The following SLC38A6 variants were observed in gnomAD, a reference collection of about 807,000 sequenced individuals.
The protein encoded by SLC38A6 is solute carrier family 38 member 6, also known as N system amino acid transporter NAT-1.
A neutral mutation model predicts 65.0 loss-of-function variants in SLC38A6; 73 were observed. The observed-to-expected ratio is 1.12, with a 90% confidence interval of 0.93 to 1.37. The LOEUF (loss-of-function observed/expected upper bound fraction) is 1.37. Ranked by LOEUF, SLC38A6 falls within the 40% of genes most tolerant of loss-of-function variation. SLC38A6 has a pLI of 0.00. For synonymous variants in SLC38A6, 183 were observed against 178.8 expected (o/e 1.02, Z -0.19); for missense variants, 561 against 531.1 (o/e 1.06, Z -0.55).
At chr14:61,059,437 TTG>T in intron 15 of SLC38A6, among the ~76,000 whole-genome samples, 1 of 3,730 alleles carries the variant, frequency 2.7e-4, no homozygotes. Flanking sequence ...TTTAAGAATG[TTG>T]AATATTGGCC....
At chr14:61,010,958 A>G (rs943193893) in intron 3 of SLC38A6, among the ~76,000 whole-genome samples, 1 of 152,162 alleles carries the variant, frequency 6.6e-6, no homozygotes, top group South Asian at 2.1e-4. Context: ...CATTGAATCT[A>G]TAAATTACCT....
At chr14:61,039,524 A>ATTTTTTTTTTTTTTTTT (rs5809078) in intron 8 of SLC38A6, among the ~76,000 whole-genome samples, 3 of 130,622 alleles carry the variant, frequency 2.3e-5, no homozygotes, top group Non-Finnish European at 4.8e-5. Context: ...GTGCATGCTA[A>ATTTTTTTTTTTTTTTTT]TTTTTTTTTT....
At chr14:61,017,859 C>T (rs1012944256) in intron 4 of SLC38A6, among the ~76,000 whole-genome samples, 15 of 152,202 alleles carry the variant, frequency 9.9e-5, no homozygotes, top group African/African-American at 2.9e-4. Context: ...TTTCTCCACA[C>T]TTCCACAGTT....
chr14:61,071,918 C>T (rs1204157123), intron 15 of SLC38A6, among the ~76,000 whole-genome samples: 1 of 152,170 alleles, frequency 6.6e-6, no homozygotes, highest in Admixed American at 6.5e-5. Context: ...GGAGTTTTCC[C>T]ATGAGTGGCG....
chr14:61,048,301 G>T, intron 12 of SLC38A6: 1 of 356,068 alleles, frequency 2.8e-6, no homozygotes, highest in Non-Finnish European at 5.5e-6. Context: ...ATTAAAGGCA[G>T]GTTTCCTGAA....
chr14:61,020,838 C>T (rs2139586654), intron 5 of SLC38A6, among the ~76,000 whole-genome samples: 1 of 152,170 alleles, frequency 6.6e-6, no homozygotes, highest in South Asian at 2.1e-4. Flanking sequence ...TTTTTAATCC[C>T]TCTTTATCCT....
At chr14:61,071,404 G>C (rs2043219815) in intron 15 of SLC38A6, among the ~76,000 whole-genome samples, 1 of 152,096 alleles carries the variant, frequency 6.6e-6, no homozygotes, top group Non-Finnish European at 1.5e-5. Context: ...TTTATTGGCT[G>C]GGCACAGTGG....
At chr14:61,068,980 A>C (rs188087300) in intron 15 of SLC38A6, among the ~76,000 whole-genome samples, 45 of 152,226 alleles carry the variant, frequency 3.0e-4, no homozygotes, top group Non-Finnish European at 1.8e-4. Context: ...CCAGACTCCT[A>C]TCTAAATCTC....
intron 3 of SLC38A6, among the ~76,000 whole-genome samples, chr14:60,999,742 T>C (rs755481780): frequency 6.6e-6 from 1 of 152,210 alleles, no homozygotes; most frequent in Non-Finnish European, 1.5e-5. Flanking sequence ...ACATGACCTC[T>C]GAGGCAGAGA....
intron 3 of SLC38A6, among the ~76,000 whole-genome samples, chr14:61,014,423 G>A (rs144652267): frequency 6.6e-6 from 1 of 152,268 alleles, no homozygotes; most frequent in East Asian, 1.9e-4. Flanking sequence ...TCCATTGATG[G>A]TGAGGAGCTG....
At chr14:61,061,476 C>G (rs987428578) in intron 15 of SLC38A6, among the ~76,000 whole-genome samples, 3 of 152,124 alleles carry the variant, frequency 2.0e-5, no homozygotes, top group African/African-American at 7.2e-5. Context: ...GTCCCTCCTC[C>G]TCAATTTTTT....
chr14:61,040,447 C>A (rs1429516175), intron 8 of SLC38A6, among the ~76,000 whole-genome samples: 1 of 151,186 alleles, frequency 6.6e-6, no homozygotes, highest in Non-Finnish European at 1.5e-5. Flanking sequence ...TCACAGCATT[C>A]TCTTGCCTCA....
chr14:60,982,381 C>T (rs1475883972), intron 1 of SLC38A6, 127 bp from the exon 2 acceptor site: 16 of 1,187,346 alleles, frequency 1.3e-5, no homozygotes, highest in South Asian at 2.6e-5. Context: ...GGTTAAGCAA[C>T]GAGTGTGTCA....
chr14:61,048,136 A>G (rs561608808), intron 12 of SLC38A6: 561 of 454,476 alleles, frequency 1.2e-3, no homozygotes, highest in Non-Finnish European at 2.2e-3. Flanking sequence ...ACCTTTGATC[A>G]TATCTTTCTA....
At chr14:61,048,415 A>T (rs1375533959) in intron 12 of SLC38A6, 2 of 253,456 alleles carry the variant, frequency 7.9e-6, no homozygotes, top group Non-Finnish European at 1.6e-5. Context: ...CTTCAATGGC[A>T]TATATAACTT....
chr14:61,069,034 T>G (rs746677495), intron 15 of SLC38A6, among the ~76,000 whole-genome samples: 4 of 152,274 alleles, frequency 2.6e-5, no homozygotes, highest in Non-Finnish European at 4.4e-5. Flanking sequence ...TGATTATCAC[T>G]TCAGGCTGTT....
Position 61,052,395 on chromosome 14 carries a change from T to C in SLC38A6, c.1337T>C (p.Leu446Ser), listed in dbSNP as rs775117857. The change falls in exon 16 of 16, where the codon TTA (leucine) becomes TCA (serine). Residue 446 changes from leucine to serine, a missense_variant. By Grantham distance (145) the Leu-to-Ser change is moderately radical. Coordinates refer to ENST00000267488, the MANE Select transcript of SLC38A6 (RefSeq NM_153811.3). ...IFGILVGNFS[L>S]ALIIFDWINK Reference sequence around the variant, plus strand: ...GGAATTTTGGTTGGGAATTTTAGTTTAGCACTCATCATTTTTGATTGGATT... The same window carrying C: ...GGAATTTTGGTTGGGAATTTTAGTTCAGCACTCATCATTTTTGATTGGATT... 2 of 1,587,440 alleles carry C rather than the reference T, an allele frequency of 1.3e-6. No homozygotes were observed. The highest frequency in any genetic ancestry group is 1.7e-6 in the Non-Finnish European group (2 of 1,169,178).
chr14:60,992,417 C>A (rs905123131), intron 3 of SLC38A6, among the ~76,000 whole-genome samples: 1 of 152,164 alleles, frequency 6.6e-6, no homozygotes, highest in East Asian at 1.9e-4. Context: ...AAATATTTCT[C>A]GGATCTGCCT....
rs1324500315 is a variant in SLC38A6 at position 61,037,700 on chromosome 14, A to G, written c.624+17A>G. ...GCTCTTGTGGTAAGTTTAAAATATA[A>G]TACATTGCTTATCTCCTCACTAAAA... On this transcript the variant is annotated intron_variant, in intron 8 of 15. Transcript: ENST00000267488. 2 of 1,502,738 alleles carry G rather than the reference A, an allele frequency of 1.3e-6. No homozygotes were observed. The highest frequency in any genetic ancestry group is 2.4e-5 in the South Asian group (2 of 82,626). The allele number at this position is 1,502,738 out of a possible 1,614,324, so 93.1% of individuals were successfully genotyped here.
Sources: allele counts gnomAD v4.1 joint callset (sites outside exome capture counted in the v4.1 genomes callset), GRCh38; gene constraint gnomAD v4.1.1; transcripts MANE v1.5; gene names NCBI Gene and HGNC (gene_info 2026-07-23, HGNC 2026-07-21).